Variants in TMEM74 observed in about 807,000 individuals in gnomAD.
The protein encoded by TMEM74 is transmembrane protein 74.
Under a neutral mutation model 18.1 loss-of-function variants are expected in TMEM74, and 13 were observed. The observed-to-expected ratio is 0.72, with a 90% CI of 0.47 to 1.14. The LOEUF is 1.14. Among genes scored for constraint, TMEM74 ranks in the 50% most tolerant of loss-of-function variants. The pLI is 0.00. For synonymous variants in TMEM74, 159 were observed against 146.6 expected, an observed-to-expected ratio of 1.08 and a Z score of -0.61; for missense variants, 372 against 375.9, an observed-to-expected ratio of 0.99 and a Z score of 0.09.
intron 1 of TMEM74, among the ~76,000 whole-genome samples, chr8:108,732,604 CAG>C (rs1276157150): frequency 6.6e-6 from 1 of 151,864 alleles, no homozygotes; most frequent in Non-Finnish European, 1.5e-5. Flanking sequence ...TAATTTTCAA[CAG>C]AGTCATCAAA....
At chr8:108,627,838 A>T (rs1461218166) in intron 2 of TMEM74, among the ~76,000 whole-genome samples, 1 of 151,984 alleles carries the variant, frequency 6.6e-6, no homozygotes, top group Non-Finnish European at 1.5e-5. Context: ...GTTTGACTTG[A>T]GGTCAGGAGT....
chr8:108,654,952 A>T (rs1481582003), intron 2 of TMEM74, among the ~76,000 whole-genome samples: 2 of 152,146 alleles, frequency 1.3e-5, no homozygotes, highest in African/African-American at 4.8e-5. Context: ...GTATGATAGC[A>T]TTATGTAGAA....
At chr8:108,685,319 A>G (rs546199873) in intron 1 of TMEM74, among the ~76,000 whole-genome samples, 1 of 152,168 alleles carries the variant, frequency 6.6e-6, no homozygotes, top group East Asian at 1.9e-4. Context: ...TTGTTTATTT[A>G]CCCATTCTAA....
rs1263704636 is a variant in TMEM74 at position 108,730,643 on chromosome 8, T to C, written n.119+56833A>G. ...AATGTATGCAGACTTCCTTTTTTTT[T>C]TTTTTTTTGTGACGGAGGCTCACTC... On this transcript the variant is annotated intron_variant and non_coding_transcript_variant, in intron 1 of 3. Transcript: ENST00000518838. 2.7e-5 allele frequency among the ~76,000 whole-genome samples: 4 copies of C among 150,658 alleles called. No individual in the cohort carries two copies. In the South Asian group the frequency reaches 6.3e-4, roughly 24 times the overall value.
At chr8:108,702,268 C>A (rs2101936) in intron 1 of TMEM74, among the ~76,000 whole-genome samples, 104,749 of 150,040 alleles carry the variant, frequency 0.7, 37,247 homozygotes, top group East Asian at 0.86. Flanking sequence ...TTGCTTGAAC[C>A]TGGGAGGCGG....
At chr8:108,739,211 G>A (rs1013361549) in intron 1 of TMEM74, among the ~76,000 whole-genome samples, 1 of 152,182 alleles carries the variant, frequency 6.6e-6, no homozygotes, top group Non-Finnish European at 1.5e-5. Context: ...GCAGCCAAAT[G>A]CAATCCTTAA....
intron 1 of TMEM74, chr8:108,655,502 G>C (rs1812812825): frequency 6.6e-6 from 1 of 151,896 alleles, no homozygotes; most frequent in Admixed American, 6.6e-5. Context: ...ATGATCTGTG[G>C]TACGTTTAAA....
chr8:108,769,393 T>C (rs1310004360), intron 1 of TMEM74, among the ~76,000 whole-genome samples: 1 of 152,088 alleles, frequency 6.6e-6, no homozygotes, highest in Non-Finnish European at 1.5e-5. Flanking sequence ...CAACTGAGAA[T>C]TTCTCAGCAA....
Position 108,748,415 on chromosome 8 carries a change from GT to G in TMEM74, n.119+39060del, listed in dbSNP as rs879074883. 5.3e-5 allele frequency among the ~76,000 whole-genome samples: 8 copies of G among 150,456 alleles called. No homozygotes were observed. The East Asian group carries it at 7.8e-4, about 15-fold the overall frequency. Reference sequence around the variant, plus strand: ...TTGCCCACTTTTAAATGGGGTTGTTGTTTTTTTTTCTTGTAAATTTGTTTAC... The same window carrying G: ...TTGCCCACTTTTAAATGGGGTTGTTGTTTTTTTTCTTGTAAATTTGTTTAC... On this transcript the variant is annotated intron_variant and non_coding_transcript_variant, in intron 1 of 3. Coordinates refer to the TMEM74 transcript ENST00000518838.
intron 2 of TMEM74, among the ~76,000 whole-genome samples, chr8:108,622,954 C>T (rs1812457734): frequency 6.6e-6 from 1 of 151,956 alleles, no homozygotes; most frequent in South Asian, 2.1e-4. Flanking sequence ...ATGGTATGTA[C>T]ATTCAAATTG....
At chr8:108,665,293 G>A (rs1812938398) in intron 1 of TMEM74, among the ~76,000 whole-genome samples, 2 of 152,152 alleles carry the variant, frequency 1.3e-5, no homozygotes, top group South Asian at 4.1e-4. Flanking sequence ...GATGGGTGAA[G>A]AAGTTGTCTA....
intron 1 of TMEM74, among the ~76,000 whole-genome samples, chr8:108,720,807 C>T (rs1439241729): frequency 1.3e-5 from 2 of 152,052 alleles, no homozygotes; most frequent in Non-Finnish European, 2.9e-5. Context: ...CTTGCTCTGT[C>T]GCCCAGGCTG....
rs1813553107 is a variant in TMEM74, at chr8:108,718,636, C to T, written n.120-63199G>A. Reference sequence around the variant, plus strand: ...CAGAGAGAGAGAAATGTGGGTGGGACCTGAGTCCTGAACTGTGAGAGGTGC... The same window carrying T: ...CAGAGAGAGAGAAATGTGGGTGGGATCTGAGTCCTGAACTGTGAGAGGTGC... On this transcript the variant is annotated intron_variant and non_coding_transcript_variant, in intron 1 of 3. Coordinates refer to the TMEM74 transcript ENST00000518838. Among the ~76,000 whole-genome samples, 3 of 152,068 alleles carry T rather than the reference C, an allele frequency of 2.0e-5. No individual in the cohort carries two copies. In the South Asian group the frequency reaches 6.2e-4, roughly 32 times the overall value.
At chr8:108,733,213 A>AT (rs1284282660) in intron 1 of TMEM74, among the ~76,000 whole-genome samples, 5 of 152,118 alleles carry the variant, frequency 3.3e-5, no homozygotes, top group East Asian at 3.9e-4. Flanking sequence ...GTGTACAGCT[A>AT]TTTTTTTCAT....
intron 2 of TMEM74, among the ~76,000 whole-genome samples, chr8:108,647,686 A>G (rs538024428): frequency 2.0e-5 from 3 of 152,290 alleles, no homozygotes; most frequent in African/African-American, 7.2e-5. Context: ...TTAACCTACT[A>G]TATACAGGAT....
intron 1 of TMEM74, among the ~76,000 whole-genome samples, chr8:108,712,929 G>A (rs1293658457): frequency 3.3e-5 from 5 of 152,162 alleles, no homozygotes; most frequent in Admixed American, 3.3e-4. Flanking sequence ...GTAGAGACAT[G>A]AAGAGCTCTG....
intron 1 of TMEM74, among the ~76,000 whole-genome samples, chr8:108,678,287 T>C (rs1300162528): frequency 6.6e-6 from 1 of 152,212 alleles, no homozygotes; most frequent in African/African-American, 2.4e-5. Flanking sequence ...AAACTGGCTT[T>C]GATAATTTAG....
At chr8:108,744,722 A>C (rs1473823048) in intron 1 of TMEM74, among the ~76,000 whole-genome samples, 1 of 152,194 alleles carries the variant, frequency 6.6e-6, no homozygotes, top group East Asian at 1.9e-4. Context: ...GGAAATGAAC[A>C]GGCTTTAGTT....
chr8:108,652,661 C>CAA, intron 2 of TMEM74: 1 of 610,592 alleles, frequency 1.6e-6, no homozygotes, highest in Non-Finnish European at 3.1e-6. Context: ...GAAGAAAAGC[C>CAA]AATTGTGCAG....
Sources: gnomAD v4.1 joint callset for allele counts (sites outside exome capture counted in the v4.1 genomes callset) on GRCh38, gnomAD v4.1.1 for gene constraint, MANE v1.5 for transcripts, NCBI Gene and HGNC (gene_info 2026-07-23, HGNC 2026-07-21) for gene names.